CCDC148: variants seen among roughly 807,000 people sequenced by gnomAD.
CCDC148 encodes coiled-coil domain-containing protein 148.
In CCDC148, 89 loss-of-function variants were observed where a neutral mutation model predicts 85.7. That is an observed-to-expected ratio of 1.04 (90% CI 0.87 to 1.24). The LOEUF is 1.24. CCDC148 is among the 50% of genes most tolerant of loss of function. The probability of loss-of-function intolerance (pLI) is 0.00; values close to 1 mark genes in which losing one functional copy is unlikely to be tolerated. For missense variants in CCDC148, 692 were observed against 671.7 expected (o/e 1.03, Z -0.33); for synonymous variants, 230 against 213.9 (o/e 1.08, Z -0.66).
intron 1 of CCDC148, among the ~76,000 whole-genome samples, chr2:158,419,099 T>C (rs1298011353): frequency 6.6e-6 from 1 of 152,130 alleles, no homozygotes. Context: ...GGGACATCAA[T>C]AGAATTGTAT....
intron 9 of CCDC148, among the ~76,000 whole-genome samples, chr2:158,280,961 G>A (rs972419670): frequency 2.0e-5 from 3 of 152,132 alleles, no homozygotes; most frequent in African/African-American, 7.2e-5. Flanking sequence ...CTAGAACTCA[G>A]GATTAAGGAA....
At chr2:158,356,329 C>G (rs1447839861) in intron 2 of CCDC148, among the ~76,000 whole-genome samples, 1 of 143,826 alleles carries the variant, frequency 7.0e-6, no homozygotes, top group Admixed American at 6.9e-5. Flanking sequence ...GCAACCTACT[C>G]ATCTGACAAA....
chr2:158,430,158 T>G (rs1216766111), intron 1 of CCDC148, among the ~76,000 whole-genome samples: 3 of 152,206 alleles, frequency 2.0e-5, no homozygotes, highest in African/African-American at 7.2e-5. Flanking sequence ...GGGATGAAGA[T>G]GTTTGACCTC....
At position 158,350,121 on chromosome 2, in the gene CCDC148, G is replaced by A. The variant is rs564222268; in HGVS notation, c.148-4803C>T. On this transcript the variant is annotated intron_variant, in intron 2 of 13. Transcript: ENST00000283233. The stretch of plus-strand genomic sequence containing the variant: ...GTTGAACGTGAGCATCTGTTTAACC[G>A]CACAAATATGTAAATACAGAGACCA... 4.4e-4 allele frequency among the ~76,000 whole-genome samples: 67 copies of A among 152,180 alleles called. 1 individual carries two copies. The highest frequency in any genetic ancestry group is 1.1e-3 in the African/African-American group (47 of 41,540).
chr2:158,187,771 A>C (rs1184097747), intron 11 of CCDC148, among the ~76,000 whole-genome samples: 1 of 152,024 alleles, frequency 6.6e-6, no homozygotes, highest in Non-Finnish European at 1.5e-5. Flanking sequence ...TCTCAATTTA[A>C]AAACTACTTC....
In CCDC148 at chr2:158,429,969, T is replaced by A. The variant is rs190019538; in HGVS notation, c.25+26446A>T. ...CAGGGAAGTGAAGGCATCTGGAAGT[T>A]GTGAAGCAGAGTTATAAAAAAGAGG... On this transcript the variant is annotated intron_variant, in intron 1 of 13. Transcript: ENST00000283233. 1.5e-3 allele frequency among the ~76,000 whole-genome samples: 229 copies of A among 152,264 alleles called. 1 individual carries two copies. The highest frequency in any genetic ancestry group is 5.2e-3 in the African/African-American group (218 of 41,544).
At chr2:158,339,182 G>T in intron 5 of CCDC148, 97 bp from the exon 6 acceptor site, 1 of 964,336 alleles carries the variant, frequency 1.0e-6, no homozygotes, top group Non-Finnish European at 1.6e-6. Flanking sequence ...GCCAATCAGT[G>T]ATGAAGTTTA....
chr2:158,370,362 A>T (rs1684388240), intron 1 of CCDC148, among the ~76,000 whole-genome samples: 1 of 152,128 alleles, frequency 6.6e-6, no homozygotes, highest in African/African-American at 2.4e-5. Flanking sequence ...TATTGTAAAA[A>T]ATTAATTTAT....
At chr2:158,358,428 C>G (rs1683769823) in intron 2 of CCDC148, 21 bp downstream of exon 2, 2 of 1,594,190 alleles carry the variant, frequency 1.3e-6, no homozygotes, top group African/African-American at 2.7e-5. Context: ...TAGAAAAACA[C>G]ATACACACAC....
chr2:158,325,285 C>T (rs1187491899), intron 7 of CCDC148, among the ~76,000 whole-genome samples: 3 of 152,114 alleles, frequency 2.0e-5, no homozygotes, highest in African/African-American at 7.2e-5. Flanking sequence ...CACCAACAAC[C>T]TCTATTAAAG....
At chr2:158,238,903 G>A (rs1688227133) in intron 10 of CCDC148, among the ~76,000 whole-genome samples, 1 of 152,088 alleles carries the variant, frequency 6.6e-6, no homozygotes, top group African/African-American at 2.4e-5. Flanking sequence ...ATGATGGGGA[G>A]CATAGCACAG....
At chr2:158,336,785 A>G (rs1038137682) in intron 7 of CCDC148, among the ~76,000 whole-genome samples, 1 of 152,132 alleles carries the variant, frequency 6.6e-6, no homozygotes, top group Admixed American at 6.6e-5. Context: ...GATGTTAAGG[A>G]TACAAATATA....
intron 1 of CCDC148, among the ~76,000 whole-genome samples, chr2:158,369,262 G>A (rs1259093792): frequency 1.3e-5 from 2 of 151,998 alleles, no homozygotes; most frequent in African/African-American, 4.8e-5. Flanking sequence ...ATTACTTTGG[G>A]CAGTATGGCC....
chr2:158,450,461 T>G (rs1475201655), intron 1 of CCDC148, among the ~76,000 whole-genome samples: 2 of 152,188 alleles, frequency 1.3e-5, no homozygotes, highest in African/African-American at 4.8e-5. Flanking sequence ...CTTCTTTTAC[T>G]TTGAGCTTTG....
At chr2:158,355,235 T>C (rs375690677) in intron 2 of CCDC148, among the ~76,000 whole-genome samples, 1 of 152,052 alleles carries the variant, frequency 6.6e-6, no homozygotes, top group Non-Finnish European at 1.5e-5. Flanking sequence ...CCAGGGCAAT[T>C]AGGCAGGAGA....
chr2:158,222,210 C>A (rs937874862), intron 10 of CCDC148, among the ~76,000 whole-genome samples: 1 of 152,130 alleles, frequency 6.6e-6, no homozygotes, highest in Non-Finnish European at 1.5e-5. Context: ...CTTCCTTACT[C>A]CCAGCACTGG....
intron 1 of CCDC148, among the ~76,000 whole-genome samples, chr2:158,410,644 A>T (rs1047391793): frequency 1.3e-5 from 2 of 152,146 alleles, no homozygotes; most frequent in Non-Finnish European, 2.9e-5. Context: ...CACCCCTCAC[A>T]TACACACGTT....
Position 158,313,812 on chromosome 2 carries a change from T to A in CCDC148, c.847A>T (p.Thr283Ser), listed in dbSNP as rs769959045. 2 of 1,613,654 alleles carry A rather than the reference T, an allele frequency of 1.2e-6. No individual in the cohort carries two copies. Among genetic ancestry groups the A allele is most frequent in the East Asian group, 2.2e-5 (1 of 44,838 alleles). Residue 283 changes from threonine to serine, a missense_variant, in exon 8 of 14, where the codon ACT becomes TCT. Physicochemically the swap from Thr to Ser is moderately conservative, Grantham distance 58. Coordinates refer to ENST00000283233, the MANE Select transcript of CCDC148 (RefSeq NM_138803.4). ...CTTTGTAACATGTCCAGATACAGAG[T>A]CCTTCTTCCAAAGAGATCTCCAGGG... is the stretch of plus-strand genomic sequence containing the variant. ...QYPGDLFGRR[T>S]LYLDMLQRYF...
intron 7 of CCDC148, among the ~76,000 whole-genome samples, chr2:158,336,511 T>A (rs1481246466): frequency 6.6e-6 from 1 of 152,218 alleles, no homozygotes; most frequent in Non-Finnish European, 1.5e-5. Flanking sequence ...TATACTAAAC[T>A]AATCTGTCTG....
Sources: gnomAD v4.1 joint callset for allele counts (sites outside exome capture counted in the v4.1 genomes callset) on GRCh38, gnomAD v4.1.1 for gene constraint, MANE v1.5 for transcripts, NCBI Gene and HGNC (gene_info 2026-07-23, HGNC 2026-07-21) for gene names.